NFXL1: variants seen among roughly 807,000 people sequenced by gnomAD.
NFXL1 encodes the protein nuclear transcription factor, X-box binding like 1.
A neutral mutation model predicts 123.3 loss-of-function variants in NFXL1; 66 were observed. The ratio of observed to expected loss-of-function variants is 0.54; its 90% confidence interval spans 0.44 to 0.66. The LOEUF (loss-of-function observed/expected upper bound fraction) is 0.66. Ranked by LOEUF, NFXL1 falls within the 30% of genes least tolerant of loss-of-function variation. The pLI is 0.00. For synonymous variants in NFXL1, 346 were observed against 360.8 expected (o/e 0.96, Z 0.46); for missense variants, 944 against 1,125.6 (o/e 0.84, Z 2.31).
intron 14 of NFXL1, 30 bp downstream of exon 14, chr4:47,885,468 A>C: frequency 6.4e-7 from 1 of 1,559,116 alleles, no homozygotes; most frequent in Non-Finnish European, 8.8e-7. Flanking sequence ...ACAGCAATGC[A>C]CTATTTCTCT....
At position 47,897,971 on chromosome 4, in the gene NFXL1, T is replaced by C. The variant is rs539005590; in HGVS notation, c.1200A>G (p.Lys400=). 3.2e-5 allele frequency: 50 copies of C among 1,578,874 alleles called. No individual in the cohort carries two copies. The highest frequency in any genetic ancestry group is 4.0e-5 in the Non-Finnish European group (46 of 1,162,434). ...RSGKRFCPCQ[K]SKFSLPCTED... ...ATAAAAAAAAACAAGTCTTACTTGATTTCTGACATGGACAGAACCTTTTCC... is the reference window on the plus strand; with the variant it reads ...ATAAAAAAAAACAAGTCTTACTTGACTTCTGACATGGACAGAACCTTTTCC... The change falls in exon 9 of 23, where the codon AAA becomes AAG. Residue 400 remains lysine (K), a synonymous_variant. Transcript: ENST00000507489.
chr4:47,894,053 A>AAT, intron 11 of NFXL1, 127 bp downstream of exon 11: 1 of 510,242 alleles, frequency 2.0e-6, no homozygotes, highest in East Asian at 3.4e-5. Flanking sequence ...AATATTTATT[A>AAT]ATATATTAAA....
At position 47,847,405 on chromosome 4, in the gene NFXL1, A is replaced by G. The variant is rs1257063899; in HGVS notation, c.*758T>C. On this transcript the variant is annotated 3_prime_UTR_variant, in exon 23 of 23. Coordinates refer to ENST00000507489, the MANE Select transcript of NFXL1 (RefSeq NM_001278624.2). Reference sequence around the variant, plus strand: ...AAATCTATTTAAGATTGTGGTAAGGAGAAACGAGATTAAGGTACATAGACC... The same window carrying G: ...AAATCTATTTAAGATTGTGGTAAGGGGAAACGAGATTAAGGTACATAGACC... 2 of 152,230 alleles carry G rather than the reference A, an allele frequency of 1.3e-5. No homozygotes were observed. The highest frequency in any genetic ancestry group is 2.4e-5 in the African/African-American group (1 of 41,462). 9.4% of individuals were successfully genotyped at this position (152,230 alleles called of 1,614,324 possible). A position where few individuals can be genotyped will look rare whatever the true frequency, so the allele number is the denominator to read the frequency against.
intron 11 of NFXL1, among the ~76,000 whole-genome samples, chr4:47,893,951 G>A (rs1267011929): frequency 6.6e-6 from 1 of 151,852 alleles, no homozygotes; most frequent in Non-Finnish European, 1.5e-5. Flanking sequence ...CAAGCTGAGA[G>A]GACAATGCAC....
At chr4:47,897,234 C>T (rs1737136968) in intron 9 of NFXL1, among the ~76,000 whole-genome samples, 1 of 152,084 alleles carries the variant, frequency 6.6e-6, no homozygotes. Context: ...ATCACTTGAG[C>T]CCAGGAGTCT....
rs563157658 is a variant in NFXL1, at chr4:47,901,391, A to AT, written c.647+1801dup. ...CTTTTAAATTAGAAGTTAACAGTAC[A>AT]TTTTTTTTAACTGATCCTTTCCTCC... is the stretch of plus-strand genomic sequence containing the variant. On this transcript the variant is annotated intron_variant, in intron 5 of 22. Transcript: ENST00000507489. Among the ~76,000 whole-genome samples, 4 of 152,046 alleles carry AT rather than the reference A, an allele frequency of 2.6e-5. No homozygotes were observed. In the South Asian group the frequency reaches 6.2e-4, roughly 24 times the overall value.
intron 18 of NFXL1, among the ~76,000 whole-genome samples, chr4:47,863,173 A>T (rs1339216752): frequency 6.6e-6 from 1 of 152,150 alleles, no homozygotes; most frequent in East Asian, 1.9e-4. Context: ...CACACACAAA[A>T]TATCATCTGG....
chr4:47,890,321 G>T (rs547512210), intron 12 of NFXL1, among the ~76,000 whole-genome samples: 106 of 152,152 alleles, frequency 7.0e-4, no homozygotes, highest in African/African-American at 2.4e-3. Flanking sequence ...CAGGAAGTGG[G>T]AAAACAATAT....
intron 12 of NFXL1, among the ~76,000 whole-genome samples, chr4:47,888,976 A>G (rs1392245414): frequency 1.3e-5 from 2 of 152,310 alleles, no homozygotes; most frequent in East Asian, 3.9e-4. Context: ...AAATACTGAA[A>G]TATTTATGGG....
intron 11 of NFXL1, among the ~76,000 whole-genome samples, chr4:47,893,932 CAGAAAT>C (rs1736926439): frequency 7.0e-6 from 1 of 142,736 alleles, no homozygotes; most frequent in Non-Finnish European, 1.6e-5. Context: ...AAATAGTGAT[CAGAAAT>C]ATCAAGCTGA....
chr4:47,892,462 A>G (rs1736834757), intron 11 of NFXL1, among the ~76,000 whole-genome samples: 1 of 152,194 alleles, frequency 6.6e-6, no homozygotes, highest in Admixed American at 6.5e-5. Context: ...TATGTGTGTG[A>G]GAGGAAACAA....
intron 2 of NFXL1, among the ~76,000 whole-genome samples, chr4:47,913,495 T>C (rs1292230620): frequency 6.6e-6 from 1 of 152,174 alleles, no homozygotes; most frequent in Non-Finnish European, 1.5e-5. Context: ...GAATGTGAGA[T>C]GGAATGCCCA....
intron 4 of NFXL1, among the ~76,000 whole-genome samples, chr4:47,904,030 G>A (rs1737455977): frequency 6.6e-6 from 1 of 152,168 alleles, no homozygotes; most frequent in African/African-American, 2.4e-5. Flanking sequence ...CATATCGCAT[G>A]AGCTAACAAC....
rs769419817 is a variant in NFXL1 at position 47,899,380 on chromosome 4, G to A, written c.816C>T (p.Leu272=). The A allele has an allele frequency of 5.6e-6, 9 of 1,612,748 alleles. No homozygotes were observed. Among genetic ancestry groups the A allele is most frequent in the South Asian group, 2.2e-5 (2 of 91,052 alleles). The change falls in exon 6 of 23, where the codon CTC becomes CTT. Residue 272 remains leucine, a synonymous_variant. Coordinates refer to ENST00000507489, the MANE Select transcript of NFXL1 (RefSeq NM_001278624.2). ...KPPCGHKCLL[L]CHPGPCPPCP... ...CAATATATAACTCACCTGGATGACA[G>A]AGGAGTAAACATTTATGGCCACAAG...
At chr4:47,855,668 AC>A (rs910649785) in intron 19 of NFXL1, among the ~76,000 whole-genome samples, 5 of 152,024 alleles carry the variant, frequency 3.3e-5, no homozygotes, top group Non-Finnish European at 7.4e-5. Flanking sequence ...CCTGTACTGC[AC>A]TGTGGGAAAA....
intron 10 of NFXL1, among the ~76,000 whole-genome samples, chr4:47,894,875 A>G (rs1736990855): frequency 6.6e-6 from 1 of 152,224 alleles, no homozygotes; most frequent in African/African-American, 2.4e-5. Context: ...TTCAATTTAC[A>G]TTGCCAAGAT....
At position 47,882,376 on chromosome 4, in the gene NFXL1, C is replaced by T. The variant is rs182852304; in HGVS notation, c.1916+1970G>A. The T allele has an allele frequency of 2.6e-5, 4 of 152,296 alleles. No homozygotes were observed. The East Asian group carries it at 7.7e-4, about 29-fold the overall frequency. The allele number at this position is 152,296 out of a possible 1,614,324, so 9.4% of individuals were successfully genotyped here. A position where few individuals can be genotyped will look rare whatever the true frequency, so the allele number is the denominator to read the frequency against. ...GATGATGACACACAGAAGGCATACA[C>T]ATTTCCATTTCTCCCTTTGGAAACT... is the stretch of plus-strand genomic sequence containing the variant. On this transcript the variant is annotated intron_variant, in intron 15 of 22. Coordinates refer to ENST00000507489, the MANE Select transcript of NFXL1 (RefSeq NM_001278624.2).
chr4:47,903,210 T>C lies in NFXL1; in HGVS notation c.630A>G (p.Lys210=). 2 of 1,592,634 alleles carry C rather than the reference T, an allele frequency of 1.3e-6. No homozygotes were observed. Among genetic ancestry groups the C allele is most frequent in the Non-Finnish European group, 1.7e-6 (2 of 1,171,058 alleles). The change falls in exon 5 of 23, where the codon AAA becomes AAG. Residue 210 remains lysine (K), a synonymous_variant. Coordinates refer to ENST00000507489, the MANE Select transcript of NFXL1 (RefSeq NM_001278624.2). ...SSVTDDDFGK[K]DCPWPCPKCR... is the part of the protein sequence containing the mutation. Reference sequence around the variant, plus strand: ...AAAGTTACCAAGGCCAGGGACAATCTTTCTTTCCAAAATCATCATCAGTCA... The same window carrying C: ...AAAGTTACCAAGGCCAGGGACAATCCTTCTTTCCAAAATCATCATCAGTCA...
chr4:47,868,505 T>A, intron 18 of NFXL1, among the ~76,000 whole-genome samples: 1 of 150,976 alleles, frequency 6.6e-6, no homozygotes. Context: ...GGTGATAAAA[T>A]TAAAAGCTGA....
Sources: gnomAD v4.1 joint callset for allele counts (sites outside exome capture counted in the v4.1 genomes callset) on GRCh38, gnomAD v4.1.1 for gene constraint, MANE v1.5 for transcripts, NCBI Gene and HGNC (gene_info 2026-07-23, HGNC 2026-07-21) for gene names.